The following NLGN1 variants were observed in gnomAD, a reference collection of about 807,000 sequenced individuals.
The protein encoded by NLGN1 is neuroligin-1.
NLGN1 carries 12 observed loss-of-function variants against 65.5 expected under a neutral mutation model. The observed-to-expected ratio is 0.18, with a 90% CI of 0.12 to 0.30. NLGN1 has a LOEUF of 0.30. Ranked by LOEUF, NLGN1 falls within the 10% of genes least tolerant of loss-of-function variation. The pLI is 1.00. For synonymous variants in NLGN1, 350 were observed against 359.5 expected, an observed-to-expected ratio of 0.97 and a Z score of 0.30; for missense variants, 750 against 1,007.1, an observed-to-expected ratio of 0.74 and a Z score of 3.46.
At chr3:173,505,292 A>G (rs1255104596) in intron 2 of NLGN1, among the ~76,000 whole-genome samples, 1 of 151,956 alleles carries the variant, frequency 6.6e-6, no homozygotes, top group East Asian at 1.9e-4. Flanking sequence ...TTTAACCCCT[A>G]CCTGGCTTAC....
At chr3:174,203,931 T>C (rs1286986697) in intron 4 of NLGN1, among the ~76,000 whole-genome samples, 2 of 152,210 alleles carry the variant, frequency 1.3e-5, no homozygotes, top group African/African-American at 4.8e-5. Flanking sequence ...AATATAGAAA[T>C]TCTATTGGAG....
At chr3:173,413,236 T>G (rs1712964709) in intron 1 of NLGN1, among the ~76,000 whole-genome samples, 2 of 152,216 alleles carry the variant, frequency 1.3e-5, no homozygotes, top group South Asian at 2.1e-4. Context: ...AATTTGCCTC[T>G]GAGACAAGGA....
At position 173,529,913 on chromosome 3, in the gene NLGN1, A is replaced by G. The variant is rs78569776; in HGVS notation, c.-320-74366A>G. 5.6e-3 allele frequency among the ~76,000 whole-genome samples: 854 copies of G among 151,328 alleles called. 24 individuals carry two copies. The South Asian group carries it at 0.065, about 12-fold the overall frequency. On this transcript the variant is annotated intron_variant, in intron 2 of 6. Coordinates refer to ENST00000457714, the Ensembl canonical transcript of NLGN1. ...TCAGGTGTCAGTGGTGTAGAAATGG[A>G]CTAGGTAATTCCCCAACTCCCATGT...
chr3:174,000,222 C>A (rs2152425881), intron 4 of NLGN1, among the ~76,000 whole-genome samples: 1 of 152,094 alleles, frequency 6.6e-6, no homozygotes. Context: ...AGTGTAAAAC[C>A]TTAAAGAAAA....
intron 3 of NLGN1, among the ~76,000 whole-genome samples, chr3:173,685,294 G>T (rs1764527085): frequency 6.6e-6 from 1 of 152,148 alleles, no homozygotes; most frequent in South Asian, 2.1e-4. Flanking sequence ...GACAAGAAAA[G>T]AACAGATTCA....
At chr3:173,462,701 C>T (rs1723610020) in intron 2 of NLGN1, among the ~76,000 whole-genome samples, 1 of 152,066 alleles carries the variant, frequency 6.6e-6, no homozygotes, top group South Asian at 2.1e-4. Context: ...GCTGTCTCTA[C>T]CATCATTTAT....
chr3:174,290,363 C>G (rs1752632213), downstream of NLGN1, among the ~76,000 whole-genome samples: 1 of 150,578 alleles, frequency 6.6e-6, no homozygotes. Flanking sequence ...AAATACAAAT[C>G]AAGAGAAAAG....
chr3:173,638,221 A>G (rs1756896060), intron 3 of NLGN1, among the ~76,000 whole-genome samples: 1 of 151,768 alleles, frequency 6.6e-6, no homozygotes, highest in African/African-American at 2.4e-5. Flanking sequence ...CATAAAGGTG[A>G]AAAACTTGGC....
intron 4 of NLGN1, among the ~76,000 whole-genome samples, chr3:174,011,797 A>T (rs1725605670): frequency 6.6e-6 from 1 of 152,156 alleles, no homozygotes; most frequent in Admixed American, 6.5e-5. Flanking sequence ...ATTGTTCCAG[A>T]CACTGGTCTA....
chr3:174,223,440 T>C (rs1577434158), intron 4 of NLGN1, among the ~76,000 whole-genome samples: 1 of 152,168 alleles, frequency 6.6e-6, no homozygotes, highest in East Asian at 1.9e-4. Flanking sequence ...TACGCCTTTT[T>C]CATTCATTTT....
chr3:173,694,394 A>G (rs1765900370), intron 3 of NLGN1, among the ~76,000 whole-genome samples: 1 of 152,114 alleles, frequency 6.6e-6, no homozygotes, highest in South Asian at 2.1e-4. Flanking sequence ...AACAATGATA[A>G]AGGCCCATTT....
intron 4 of NLGN1, among the ~76,000 whole-genome samples, chr3:174,018,037 G>C (rs1726967136): frequency 6.6e-6 from 1 of 152,106 alleles, no homozygotes; most frequent in Admixed American, 6.6e-5. Context: ...GATGTCCCCA[G>C]AGCAGCCATT....
At chr3:173,693,385 CAT>C (rs950774839) in intron 3 of NLGN1, among the ~76,000 whole-genome samples, 4 of 152,022 alleles carry the variant, frequency 2.6e-5, no homozygotes, top group Middle Eastern at 3.4e-3. Flanking sequence ...AAATATGTAA[CAT>C]GTGAGAGTAG....
At chr3:174,156,489 C>T (rs945422617) in intron 4 of NLGN1, among the ~76,000 whole-genome samples, 2 of 151,706 alleles carry the variant, frequency 1.3e-5, no homozygotes, top group Non-Finnish European at 2.9e-5. Context: ...ACACCTTTCA[C>T]GCAATGACTC....
At chr3:173,700,847 CG>C (rs1322658866) in intron 3 of NLGN1, among the ~76,000 whole-genome samples, 2 of 152,092 alleles carry the variant, frequency 1.3e-5, no homozygotes, top group Non-Finnish European at 1.5e-5. Context: ...CCAGAAAGGC[CG>C]GGCACGGTGG....
chr3:174,035,479 G>A (rs1730931607), intron 4 of NLGN1, among the ~76,000 whole-genome samples: 1 of 152,162 alleles, frequency 6.6e-6, no homozygotes, highest in Non-Finnish European at 1.5e-5. Context: ...TGTCTCACAG[G>A]CTGCTGATGC....
intron 4 of NLGN1, among the ~76,000 whole-genome samples, chr3:174,058,319 A>G (rs1406651392): frequency 1.3e-5 from 2 of 152,132 alleles, no homozygotes; most frequent in Admixed American, 6.6e-5. Context: ...ATGAAATTTT[A>G]TGACAAGGTA....
chr3:173,511,028 A>T (rs1732859938), intron 2 of NLGN1, among the ~76,000 whole-genome samples: 1 of 152,214 alleles, frequency 6.6e-6, no homozygotes, highest in Admixed American at 6.5e-5. Context: ...GGATAGTTTA[A>T]ATTTCAGTGC....
chr3:173,648,372 G>T (rs915326916), intron 3 of NLGN1, among the ~76,000 whole-genome samples: 4 of 152,112 alleles, frequency 2.6e-5, no homozygotes, highest in Non-Finnish European at 5.9e-5. Flanking sequence ...GGAGATAAGA[G>T]ATAAGAAATA....
Sources: gnomAD v4.1 joint callset for allele counts (sites outside exome capture counted in the v4.1 genomes callset) on GRCh38, gnomAD v4.1.1 for gene constraint, MANE v1.5 for transcripts, NCBI Gene and HGNC (gene_info 2026-07-23, HGNC 2026-07-21) for gene names.